KCNAB1: variants seen among roughly 807,000 people sequenced by gnomAD.
KCNAB1 encodes potassium voltage-gated channel subfamily A regulatory beta subunit 1, also known as voltage-gated potassium channel subunit beta-1.
A neutral mutation model predicts 64.6 loss-of-function variants in KCNAB1; 35 were observed. That is an observed-to-expected ratio of 0.54 (90% confidence interval 0.41 to 0.72). The LOEUF (loss-of-function observed/expected upper bound fraction) is 0.72, where lower values mean the gene tolerates loss of function less well. Ranked by LOEUF, KCNAB1 falls within the 30% of genes least tolerant of loss-of-function variation. The pLI is 0.00. For missense variants in KCNAB1, 401 were observed against 512.9 expected (o/e 0.78, Z 2.11); for synonymous variants, 177 against 183.8 (o/e 0.96, Z 0.30).
intron 12 of KCNAB1, among the ~76,000 whole-genome samples, chr3:156,527,030 A>G (rs921584325): frequency 1.7e-4 from 26 of 152,204 alleles, no homozygotes; most frequent in African/African-American, 6.0e-4. Context: ...GAGAAATGTT[A>G]GTTGCAATTA....
chr3:156,395,972 C>T (rs1713436381), intron 1 of KCNAB1, among the ~76,000 whole-genome samples: 2 of 152,144 alleles, frequency 1.3e-5, no homozygotes, highest in Admixed American at 1.3e-4. Flanking sequence ...GATAGTGAGA[C>T]CAAACTAAAT....
rs1181623118 is a variant in KCNAB1 at position 156,452,101 on chromosome 3, T to C, written c.320-798T>C. Among the ~76,000 whole-genome samples the C allele has an allele frequency of 2.6e-5, 4 of 152,194 alleles. No homozygotes were observed. The highest frequency in any genetic ancestry group is 2.9e-5 in the Non-Finnish European group (2 of 68,020). On this transcript the variant is annotated intron_variant, in intron 2 of 13. Coordinates refer to ENST00000490337, the MANE Select transcript of KCNAB1 (RefSeq NM_172160.3). This position sits in a 1 kb window ranked among gnomAD's most constrained non-coding sequence, Gnocchi z 4.6. ...TGTAATTAGGAATCAAAAGAATTCA[T>C]TCCCTCCTTTAGGAAGGGAAAGGAA...
intron 1 of KCNAB1, among the ~76,000 whole-genome samples, chr3:156,352,839 C>T (rs1009607306): frequency 4.6e-5 from 7 of 152,248 alleles, no homozygotes; most frequent in Non-Finnish European, 1.0e-4. Flanking sequence ...GCTGCCTGCC[C>T]TGTTTCCTGG....
intron 1 of KCNAB1, among the ~76,000 whole-genome samples, chr3:156,344,359 C>T (rs970841188): frequency 2.6e-5 from 4 of 152,172 alleles, no homozygotes; most frequent in Non-Finnish European, 2.9e-5. Context: ...CCTCGCCTGC[C>T]GAGAGCCATT....
rs149913069 is a variant in KCNAB1, at chr3:156,537,537, C to G, written c.*790C>G. 1 of 152,958 alleles carries G rather than the reference C, an allele frequency of 6.5e-6. No individual in the cohort carries two copies. The highest frequency in any genetic ancestry group is 1.9e-4 in the East Asian group (1 of 5,196). 9.5% of individuals were successfully genotyped at this position (152,958 alleles called of 1,614,324 possible). On this transcript the variant is annotated 3_prime_UTR_variant, in exon 14 of 14. Transcript: ENST00000490337. Reference sequence around the variant, plus strand: ...GAATACCCAATCTTTAGTGACAATGCAGCTGATTTATGAAAGAGAGGGCTA... The same window carrying G: ...GAATACCCAATCTTTAGTGACAATGGAGCTGATTTATGAAAGAGAGGGCTA...
intron 12 of KCNAB1, among the ~76,000 whole-genome samples, chr3:156,527,717 A>G (rs1258294574): frequency 6.6e-6 from 1 of 152,058 alleles, no homozygotes; most frequent in African/African-American, 2.4e-5. Flanking sequence ...GTAAATAAAT[A>G]ATTTTGTTTA....
chr3:156,274,067 G>A (rs554737626), intron 1 of KCNAB1, among the ~76,000 whole-genome samples: 19 of 152,268 alleles, frequency 1.2e-4, no homozygotes, highest in Non-Finnish European at 1.8e-4. Flanking sequence ...GGATGTTGGC[G>A]ATGACAAATA....
chr3:156,249,607 A>G (rs1717698313), intron 1 of KCNAB1, among the ~76,000 whole-genome samples: 1 of 152,070 alleles, frequency 6.6e-6, no homozygotes, highest in South Asian at 2.1e-4. Context: ...AAGTAAATGC[A>G]GAGGACCTGA....
At chr3:156,475,123 T>C (rs961659313) in intron 8 of KCNAB1, among the ~76,000 whole-genome samples, 4 of 152,170 alleles carry the variant, frequency 2.6e-5, no homozygotes, top group African/African-American at 9.7e-5. Flanking sequence ...ATAAAGTTAA[T>C]TGGAAAGGGG....
chr3:156,438,014 A>G (rs1576865257), intron 2 of KCNAB1, among the ~76,000 whole-genome samples: 1 of 152,196 alleles, frequency 6.6e-6, no homozygotes, highest in South Asian at 2.1e-4. Context: ...CTTTTAAAAC[A>G]TACCTGTGCC....
At chr3:156,231,938 G>C (rs553309485) in intron 1 of KCNAB1, among the ~76,000 whole-genome samples, 1 of 152,234 alleles carries the variant, frequency 6.6e-6, no homozygotes, top group South Asian at 2.1e-4. Context: ...CATGTTCTCA[G>C]GCTGAGGGCT....
intron 4 of KCNAB1, among the ~76,000 whole-genome samples, chr3:156,459,456 A>G (rs1712720902): frequency 6.6e-6 from 1 of 152,090 alleles, no homozygotes; most frequent in South Asian, 2.1e-4. Flanking sequence ...CATAGTCACA[A>G]TTGAATTGCT....
intron 1 of KCNAB1, among the ~76,000 whole-genome samples, chr3:156,343,469 A>G (rs758735661): frequency 6.6e-6 from 1 of 152,196 alleles, no homozygotes; most frequent in Non-Finnish European, 1.5e-5. Flanking sequence ...CCTGAGGTCG[A>G]GGGAGAGGGA....
chr3:156,383,834 C>T (rs1324291697), intron 1 of KCNAB1, among the ~76,000 whole-genome samples: 1 of 152,210 alleles, frequency 6.6e-6, no homozygotes, highest in African/African-American at 2.4e-5. Flanking sequence ...TTTCCAACAG[C>T]GTTTTTCGCC....
intron 13 of KCNAB1, among the ~76,000 whole-genome samples, chr3:156,535,450 C>T (rs1718987445): frequency 6.6e-6 from 1 of 152,132 alleles, no homozygotes. Flanking sequence ...ATGAGCTCAT[C>T]CTTTCCCGGG....
At chr3:156,169,184 A>G (rs1711798128) in intron 1 of KCNAB1, among the ~76,000 whole-genome samples, 1 of 152,204 alleles carries the variant, frequency 6.6e-6, no homozygotes, top group Admixed American at 6.5e-5. Flanking sequence ...TATTTCCCTG[A>G]TAAGCTCTCC....
chr3:156,249,726 AC>A (rs1717708055), intron 1 of KCNAB1, among the ~76,000 whole-genome samples: 1 of 152,132 alleles, frequency 6.6e-6, no homozygotes, highest in African/African-American at 2.4e-5. Context: ...GCTCTATAAG[AC>A]CTTATACAAT....
chr3:156,131,321 G>T (rs1713983718), intron 1 of KCNAB1, among the ~76,000 whole-genome samples: 2 of 152,296 alleles, frequency 1.3e-5, no homozygotes, highest in South Asian at 4.1e-4. Context: ...GTCAGTTTTA[G>T]AGAAAAATCT....
chr3:156,535,115 G>C (rs1014416332), intron 13 of KCNAB1, among the ~76,000 whole-genome samples: 3 of 152,036 alleles, frequency 2.0e-5, no homozygotes, highest in African/African-American at 7.3e-5. Context: ...TGAAATTCCA[G>C]AGCTAGTGGG....
Sources: gnomAD v4.1 joint callset for allele counts (sites outside exome capture counted in the v4.1 genomes callset) on GRCh38, gnomAD v4.1.1 for gene constraint, Gnocchi (gnomAD v3.1) non-coding constraint, MANE v1.5 for transcripts, NCBI Gene and HGNC (gene_info 2026-07-23, HGNC 2026-07-21) for gene names.